HECTD2: variants seen among roughly 807,000 people sequenced by gnomAD.
HECTD2 encodes the protein probable E3 ubiquitin-protein ligase HECTD2.
Under a neutral mutation model 103.2 loss-of-function variants are expected in HECTD2, and 35 were observed. That is an observed-to-expected ratio of 0.34 (90% confidence interval 0.26 to 0.45). HECTD2 has a LOEUF of 0.45. Ranked by LOEUF, HECTD2 falls within the 20% of genes least tolerant of loss-of-function variation. The pLI, the probability that HECTD2 is intolerant of heterozygous loss-of-function variation, is 1.00. For missense variants in HECTD2, 596 were observed against 937.4 expected, an observed-to-expected ratio of 0.64 and a Z score of 4.76; for synonymous variants, 281 against 329.9, an observed-to-expected ratio of 0.85 and a Z score of 1.61.
chr10:91,477,157 T>C (rs1176381434), intron 5 of HECTD2, among the ~76,000 whole-genome samples: 2 of 141,012 alleles, frequency 1.4e-5, no homozygotes, highest in Non-Finnish European at 3.1e-5. Flanking sequence ...GTACGCAGTC[T>C]GGCCTGGATG....
intron 5 of HECTD2, among the ~76,000 whole-genome samples, chr10:91,463,923 C>A (rs1319573620): frequency 1.3e-5 from 2 of 152,184 alleles, no homozygotes. Flanking sequence ...TGTAACCCAA[C>A]AATTCCATTC....
chr10:91,453,615 CT>C (rs1844930922), intron 2 of HECTD2, among the ~76,000 whole-genome samples: 2 of 152,012 alleles, frequency 1.3e-5, no homozygotes, highest in Admixed American at 1.3e-4. Flanking sequence ...CATGTTTAAC[CT>C]GCAGAAAGGC....
intron 1 of HECTD2, among the ~76,000 whole-genome samples, chr10:91,412,455 G>T (rs577366074): frequency 6.9e-6 from 1 of 145,408 alleles, no homozygotes. Flanking sequence ...AAACTTGAGG[G>T]TTTTTTTTTT....
intron 14 of HECTD2, 73 bp from the exon 15 acceptor site, chr10:91,496,141 A>T: frequency 1.0e-6 from 1 of 974,678 alleles, no homozygotes; most frequent in Non-Finnish European, 1.5e-6. Context: ...TGCAAAAAAT[A>T]GACTGATGCA....
intron 11 of HECTD2, chr10:91,488,113 G>A (rs779639630): frequency 1.3e-4 from 21 of 167,674 alleles, no homozygotes; most frequent in South Asian, 3.4e-4. Context: ...TGAGAACTGC[G>A]GTGAGGCAGA....
At chr10:91,439,432 CTATATA>C (rs879329512) in intron 2 of HECTD2, among the ~76,000 whole-genome samples, 1 of 150,246 alleles carries the variant, frequency 6.7e-6, no homozygotes, top group Admixed American at 6.6e-5. Flanking sequence ...TTCCATTGGT[CTATATA>C]TATATATCTG....
At chr10:91,435,433 G>A (rs1020832642) in intron 2 of HECTD2, among the ~76,000 whole-genome samples, 4 of 151,964 alleles carry the variant, frequency 2.6e-5, no homozygotes, top group Admixed American at 1.3e-4. Flanking sequence ...TCATGACCCC[G>A]CTGGCAAGCC....
intron 2 of HECTD2, among the ~76,000 whole-genome samples, chr10:91,459,003 T>C (rs979914383): frequency 1.3e-5 from 2 of 151,930 alleles, no homozygotes; most frequent in African/African-American, 4.8e-5. Flanking sequence ...TTATCTAAAC[T>C]ATATAAGGAG....
At chr10:91,461,488 A>G in intron 4 of HECTD2, 132 bp downstream of exon 4, 1 of 430,412 alleles carries the variant, frequency 2.3e-6, no homozygotes, top group South Asian at 4.7e-5. Context: ...CAGAAATTAT[A>G]CAATACATAC....
chr10:91,421,394 T>C (rs920471659), intron 1 of HECTD2, among the ~76,000 whole-genome samples: 1 of 152,208 alleles, frequency 6.6e-6, no homozygotes, highest in Non-Finnish European at 1.5e-5. Context: ...TCTGTCCTTA[T>C]ATTATCAGTT....
chr10:91,480,168 T>C (rs1846041572), intron 6 of HECTD2, among the ~76,000 whole-genome samples: 1 of 152,020 alleles, frequency 6.6e-6, no homozygotes. Context: ...TCCTGAATAT[T>C]ATAGTAAAAA....
At chr10:91,413,634 A>G (rs968918729) in intron 1 of HECTD2, among the ~76,000 whole-genome samples, 1 of 152,202 alleles carries the variant, frequency 6.6e-6, no homozygotes, top group Non-Finnish European at 1.5e-5. Context: ...CAAAAGCTCC[A>G]TGGGCAAGGT....
At chr10:91,431,041 T>C (rs1843841566) in intron 2 of HECTD2, among the ~76,000 whole-genome samples, 1 of 151,646 alleles carries the variant, frequency 6.6e-6, no homozygotes, top group Non-Finnish European at 1.5e-5. Context: ...CCATGTTTAG[T>C]GCTTCCTTCA....
intron 2 of HECTD2, among the ~76,000 whole-genome samples, chr10:91,428,403 G>A (rs4537675): frequency 0.19 from 28,432 of 148,678 alleles, 6,472 homozygotes; most frequent in African/African-American, 0.56. Flanking sequence ...GTTTTTTCCA[G>A]TTCTGTGAAG....
intron 5 of HECTD2, among the ~76,000 whole-genome samples, chr10:91,468,182 A>C (rs1589516795): frequency 6.6e-6 from 1 of 151,940 alleles, no homozygotes; most frequent in Non-Finnish European, 1.5e-5. Flanking sequence ...GACCAAGAAG[A>C]CCTCAGCCCT....
In HECTD2 at chr10:91,514,270, C is replaced by T. The variant is rs1740091665; in HGVS notation, c.*1886C>T. ...GTGCTTGTATATCGATTAGCTGTGTCACTTTTAAATAAGAAGTCCACACAA... is the reference window on the plus strand; with the variant it reads ...GTGCTTGTATATCGATTAGCTGTGTTACTTTTAAATAAGAAGTCCACACAA... On this transcript the variant is annotated 3_prime_UTR_variant, in exon 21 of 21. Transcript: ENST00000298068. 2.0e-5 allele frequency: 3 copies of T among 152,572 alleles called. No individual in the cohort carries two copies. The highest frequency in any genetic ancestry group is 2.0e-4 in the Admixed American group (3 of 15,266). 9.5% of individuals were successfully genotyped at this position (152,572 alleles called of 1,614,324 possible).
At chr10:91,458,494 T>C (rs545978661) in intron 2 of HECTD2, among the ~76,000 whole-genome samples, 34 of 152,082 alleles carry the variant, frequency 2.2e-4, no homozygotes, top group African/African-American at 8.2e-4. Context: ...TTTAAAAGAA[T>C]AAAGTTGAAA....
chr10:91,452,129 T>C (rs1013090221), intron 2 of HECTD2, among the ~76,000 whole-genome samples: 14 of 151,974 alleles, frequency 9.2e-5, no homozygotes, highest in African/African-American at 3.1e-4. Flanking sequence ...CAACAGAATC[T>C]CAGGGACCTC....
At chr10:91,417,184 C>G (rs1046342291) in intron 1 of HECTD2, among the ~76,000 whole-genome samples, 3 of 151,774 alleles carry the variant, frequency 2.0e-5, no homozygotes, top group African/African-American at 7.3e-5. Context: ...GTGAAGAATC[C>G]CTTCTTGAGT....
Sources: allele counts gnomAD v4.1 joint callset (sites outside exome capture counted in the v4.1 genomes callset), GRCh38; gene constraint gnomAD v4.1.1; transcripts MANE v1.5; gene names NCBI Gene and HGNC (gene_info 2026-07-23, HGNC 2026-07-21).